RAB3B: variants seen among roughly 807,000 people sequenced by gnomAD.
RAB3B encodes the protein RAB3B, member RAS oncogene family, also known as ras-related protein Rab-3B.
RAB3B carries 11 observed loss-of-function variants against 20.5 expected under a neutral mutation model. The ratio of observed to expected loss-of-function variants is 0.54; its 90% CI spans 0.34 to 0.89. The LOEUF is 0.89. RAB3B is among the 40% of genes least tolerant of loss of function. The pLI is 0.02. For synonymous variants in RAB3B, 99 were observed against 106.3 expected, an observed-to-expected ratio of 0.93 and a Z score of 0.42; for missense variants, 225 against 280.9, an observed-to-expected ratio of 0.80 and a Z score of 1.42.
chr1:51,955,169 C>T (rs1387855607), intron 2 of RAB3B, among the ~76,000 whole-genome samples: 8 of 152,298 alleles, frequency 5.3e-5, no homozygotes, highest in Admixed American at 4.6e-4. Context: ...AGTTCTCTCC[C>T]GTTTTGCAGG....
chr1:51,961,096 A>T (rs1684778365), intron 2 of RAB3B, among the ~76,000 whole-genome samples: 1 of 152,188 alleles, frequency 6.6e-6, no homozygotes, highest in Admixed American at 6.5e-5. Flanking sequence ...CCTACACCAC[A>T]GCTGAAGTAA....
chr1:51,979,459 C>T (rs1170430082), intron 1 of RAB3B, among the ~76,000 whole-genome samples: 2 of 151,682 alleles, frequency 1.3e-5, no homozygotes, highest in Admixed American at 6.6e-5. Flanking sequence ...TTAGTAGAGA[C>T]GGGGTTTTGC....
intron 2 of RAB3B, among the ~76,000 whole-genome samples, chr1:51,972,160 G>A (rs1232048241): frequency 6.6e-6 from 1 of 152,136 alleles, no homozygotes; most frequent in Non-Finnish European, 1.5e-5. Flanking sequence ...GGGCAACCGA[G>A]CGAGACTCTA....
intron 1 of RAB3B, among the ~76,000 whole-genome samples, chr1:51,984,079 A>G (rs1421864955): frequency 7.3e-5 from 11 of 151,706 alleles, no homozygotes; most frequent in Non-Finnish European, 1.6e-4. Context: ...TCTGGCCAAC[A>G]TGGTGAAACC....
chr1:51,986,454 A>T (rs1237712502), intron 1 of RAB3B, among the ~76,000 whole-genome samples: 2 of 151,960 alleles, frequency 1.3e-5, no homozygotes, highest in Admixed American at 6.5e-5. Flanking sequence ...CCAGCCAAAA[A>T]AAGTTTAAAT....
intron 2 of RAB3B, among the ~76,000 whole-genome samples, chr1:51,937,940 T>TA (rs1684429991): frequency 1.3e-5 from 2 of 150,464 alleles, no homozygotes; most frequent in African/African-American, 4.9e-5. Flanking sequence ...AACAAGCACA[T>TA]AAGAAATGTT....
intron 1 of RAB3B, among the ~76,000 whole-genome samples, chr1:51,983,797 T>C (rs1190169634): frequency 1.4e-5 from 2 of 143,948 alleles, no homozygotes; most frequent in Admixed American, 1.4e-4. Flanking sequence ...CAGTCTCTAC[T>C]AAAAATATAA....
rs976682951 is a variant in RAB3B at position 51,914,506 on chromosome 1, C to T, written c.*5421G>A. The T allele has an allele frequency of 3.9e-5, 6 of 152,184 alleles. No homozygotes were observed. Among genetic ancestry groups the T allele is most frequent in the African/African-American group, 1.4e-4 (6 of 41,444 alleles). The allele number at this position is 152,184 out of a possible 1,614,324, so 9.4% of individuals were successfully genotyped here. On this transcript the variant is annotated 3_prime_UTR_variant, in exon 5 of 5. Transcript: ENST00000371655. ...GCTATACGTTTCATGAAAGCAAGAA[C>T]TGTGTCTAATTTGCCACTACTTGTA...
chr1:51,927,371 C>T (rs1203931453), intron 4 of RAB3B, among the ~76,000 whole-genome samples: 2 of 152,314 alleles, frequency 1.3e-5, no homozygotes, highest in East Asian at 3.9e-4. Context: ...ATGCAATGCT[C>T]AAAGTCACAT....
rs185769339 is a variant in RAB3B, at chr1:51,948,711, G to A, written c.229-11299C>T. 3.5e-4 allele frequency among the ~76,000 whole-genome samples: 54 copies of A among 152,284 alleles called. 2 individuals carry two copies. The highest frequency in any genetic ancestry group is 2.0e-3 in the Admixed American group (30 of 15,300). On this transcript the variant is annotated intron_variant, in intron 2 of 4. Transcript: ENST00000371655. Reference sequence around the variant, plus strand: ...GCTGACCATCCTGGAAAAGTCACATGCTCCAATTATATGCTTTCCTGGCAC... The same window carrying A: ...GCTGACCATCCTGGAAAAGTCACATACTCCAATTATATGCTTTCCTGGCAC...
rs1215881038 is a variant in RAB3B at position 51,917,238 on chromosome 1, T to C, written c.*2689A>G. ...GTACAGAGTAAGCATGACATCAGAGTTGGCCGAGACAACTCTTGGATGCCA... is the reference window on the plus strand; with the variant it reads ...GTACAGAGTAAGCATGACATCAGAGCTGGCCGAGACAACTCTTGGATGCCA... On this transcript the variant is annotated 3_prime_UTR_variant, in exon 5 of 5. Transcript: ENST00000371655. The C allele has an allele frequency of 3.3e-5, 5 of 151,868 alleles. No homozygotes were observed. Among genetic ancestry groups the C allele is most frequent in the Non-Finnish European group, 7.4e-5 (5 of 67,974 alleles). 9.4% of individuals were successfully genotyped at this position (151,868 alleles called of 1,614,324 possible). A position where few individuals can be genotyped will look rare whatever the true frequency, so the allele number is the denominator to read the frequency against.
chr1:51,913,083 T>C lies in RAB3B; in HGVS notation c.*6844A>G, dbSNP rs1300027995. ...CTTTTCTATATATACTGAATCTTTC[T>C]GCTGGGCTTCTGGCCAGGAACTTCC... On this transcript the variant is annotated 3_prime_UTR_variant, in exon 5 of 5. Coordinates refer to ENST00000371655, the MANE Select transcript of RAB3B (RefSeq NM_002867.4). The C allele has an allele frequency of 6.6e-6, 1 of 152,208 alleles. No homozygotes were observed. The highest frequency in any genetic ancestry group is 2.4e-5 in the African/African-American group (1 of 41,456). 9.4% of individuals were successfully genotyped at this position (152,208 alleles called of 1,614,324 possible).
chr1:51,938,422 CTTTATCTAGACAGTGAAAACA>C (rs1393511647), intron 2 of RAB3B, among the ~76,000 whole-genome samples: 1 of 151,986 alleles, frequency 6.6e-6, no homozygotes, highest in Admixed American at 6.6e-5. Flanking sequence ...TTTGTTAAAA[CTTTATCTAGACAGTGAAAACA>C]TATCATCAAC....
intron 2 of RAB3B, among the ~76,000 whole-genome samples, chr1:51,949,402 A>G (rs1001814769): frequency 2.0e-5 from 3 of 152,058 alleles, no homozygotes; most frequent in South Asian, 2.1e-4. Context: ...GGCTCACAGA[A>G]GGAGACACCC....
chr1:51,923,806 C>G (rs1174885692), intron 4 of RAB3B, among the ~76,000 whole-genome samples: 1 of 151,442 alleles, frequency 6.6e-6, no homozygotes. Flanking sequence ...GGTGCCAAGG[C>G]AGGAAGGTTG....
chr1:51,969,670 A>G (rs542894420), intron 2 of RAB3B, among the ~76,000 whole-genome samples: 2 of 152,148 alleles, frequency 1.3e-5, no homozygotes, highest in African/African-American at 4.8e-5. Context: ...CTATTTCTCA[A>G]TGGGTTTAGG....
In RAB3B at chr1:51,911,561, G is replaced by GCTTTT. The variant is rs1297037085; in HGVS notation, c.*8365_*8366insAAAAG. 1 of 152,146 alleles carries GCTTTT rather than the reference G, an allele frequency of 6.6e-6. No homozygotes were observed. Among genetic ancestry groups the GCTTTT allele is most frequent in the Non-Finnish European group, 1.5e-5 (1 of 68,022 alleles). The allele number at this position is 152,146 out of a possible 1,614,324, so 9.4% of individuals were successfully genotyped here. ...GGGTTTTATTAGAAAGATACATTGA[G>GCTTTT]CTTTCTATCAGAATCAAAGGAAGAG... is the stretch of plus-strand genomic sequence containing the variant. On this transcript the variant is annotated 3_prime_UTR_variant, in exon 5 of 5. Coordinates refer to ENST00000371655, the MANE Select transcript of RAB3B (RefSeq NM_002867.4).
intron 2 of RAB3B, among the ~76,000 whole-genome samples, chr1:51,957,133 G>A (rs1308721520): frequency 1.3e-5 from 2 of 152,196 alleles, no homozygotes; most frequent in African/African-American, 4.8e-5. Context: ...ATCTGTAGCA[G>A]CACAACTGGT....
rs1328434529 is a variant in RAB3B at position 51,971,168 on chromosome 1, G to A, written c.228+5722C>T. ...GCCCCCTCACCACCAGCAAACCTATGAGGCTTTAATAGTTGAAGACATTAA... is the reference window on the plus strand; with the variant it reads ...GCCCCCTCACCACCAGCAAACCTATAAGGCTTTAATAGTTGAAGACATTAA... On this transcript the variant is annotated intron_variant, in intron 2 of 4. Coordinates refer to ENST00000371655, the MANE Select transcript of RAB3B (RefSeq NM_002867.4). Among the ~76,000 whole-genome samples the A allele has an allele frequency of 3.3e-5, 5 of 151,744 alleles. No individual in the cohort carries two copies. In the East Asian group the frequency reaches 9.7e-4, roughly 29 times the overall value.
Sources: gnomAD v4.1 joint callset for allele counts (sites outside exome capture counted in the v4.1 genomes callset) on GRCh38, gnomAD v4.1.1 for gene constraint, MANE v1.5 for transcripts, NCBI Gene and HGNC (gene_info 2026-07-23, HGNC 2026-07-21) for gene names.